POGLUT1: variants seen among roughly 807,000 people sequenced by gnomAD.
The protein encoded by POGLUT1 is 9630046K23Rik.
Under a neutral mutation model 61.3 loss-of-function variants are expected in POGLUT1, and 32 were observed. The ratio of observed to expected loss-of-function variants is 0.52; its 90% CI spans 0.39 to 0.70. The LOEUF (loss-of-function observed/expected upper bound fraction) is 0.70, where lower values mean the gene tolerates loss of function less well. Ranked by LOEUF, POGLUT1 falls within the 30% of genes least tolerant of loss-of-function variation. POGLUT1 has a pLI of 0.00. For synonymous variants in POGLUT1, 158 were observed against 158.2 expected, an observed-to-expected ratio of 1.00 and a Z score of 0.01; for missense variants, 411 against 469.8, an observed-to-expected ratio of 0.87 and a Z score of 1.16.
rs539300453 is a variant in POGLUT1, at chr3:119,493,945, G to A, written c.*1507G>A. On this transcript the variant is annotated 3_prime_UTR_variant, in exon 11 of 11. Transcript: ENST00000295588. ...CCTTGTCACTGTGAGGCCCTACTAG[G>A]TGTAAGCATTCTCTCTGAATTTTAA... 1 of 151,948 alleles carries A rather than the reference G, an allele frequency of 6.6e-6. No individual in the cohort carries two copies. Among genetic ancestry groups the A allele is most frequent in the African/African-American group, 2.4e-5 (1 of 41,420 alleles). The allele number at this position is 151,948 out of a possible 1,614,324, so 9.4% of individuals were successfully genotyped here.
intron 2 of POGLUT1, among the ~76,000 whole-genome samples, chr3:119,470,171 C>T (rs2081453739): frequency 6.6e-6 from 1 of 152,204 alleles, no homozygotes; most frequent in Non-Finnish European, 1.5e-5. Flanking sequence ...GTCTTATTTG[C>T]TGTTGTCTCC....
chr3:119,486,796 AG>A, intron 6 of POGLUT1, 36 bp from the exon 7 acceptor site: 2 of 1,386,048 alleles, frequency 1.4e-6, no homozygotes, highest in Non-Finnish European at 2.1e-6. Context: ...TTTCTAATAC[AG>A]GCCACACAGT....
Position 119,486,932 on chromosome 3 carries a change from A to G in POGLUT1, c.738A>G (p.Lys246=). ...AAAACCAGGCCTGGAAATCTATGAA[A>G]GTAATCACCAGTCATCTGACTAGAA... ...YTKNQAWKSM[K]DTLGKPAAKD... Residue 246 remains lysine, a splice_region_variant and synonymous_variant, in exon 7 of 11, where the codon AAA becomes AAG. Transcript: ENST00000295588. 1 of 1,576,762 alleles carries G rather than the reference A, an allele frequency of 6.3e-7. No homozygotes were observed. Among genetic ancestry groups the G allele is most frequent in the Non-Finnish European group, 8.7e-7 (1 of 1,146,062 alleles).
At position 119,477,441 on chromosome 3, in the gene POGLUT1, T is replaced by C. The variant is rs147356960; in HGVS notation, c.449T>C (p.Phe150Ser). The C allele has an allele frequency of 4.3e-5, 70 of 1,613,964 alleles. No individual in the cohort carries two copies. Among genetic ancestry groups the C allele is most frequent in the Non-Finnish European group, 5.3e-5 (63 of 1,179,956 alleles). The change falls in exon 4 of 11, where the codon TTC (phenylalanine) becomes TCC (serine). Residue 150 changes from phenylalanine to serine, a missense_variant. By Grantham distance (155) the Phe-to-Ser change is radical. Transcript: ENST00000295588. ...GAGCCTGCCATCCCAGTCTTCTCCTTCAGTAAGGTAAGTACAGGGAGAGCC... is the reference window on the plus strand; with the variant it reads ...GAGCCTGCCATCCCAGTCTTCTCCTCCAGTAAGGTAAGTACAGGGAGAGCC... ...WMEPAIPVFS[F>S]SKTSEYHDIM... is the part of the protein sequence containing the mutation.
At chr3:119,485,171 C>T (rs1248572456) in intron 5 of POGLUT1, among the ~76,000 whole-genome samples, 157 bp from the exon 6 acceptor site, 3 of 151,560 alleles carry the variant, frequency 2.0e-5, no homozygotes, top group Admixed American at 1.3e-4. Flanking sequence ...CAGCCAAGAT[C>T]GCGCCACTGC....
intron 5 of POGLUT1, among the ~76,000 whole-genome samples, chr3:119,482,295 C>T (rs1044479034): frequency 2.0e-5 from 3 of 152,204 alleles, no homozygotes; most frequent in Non-Finnish European, 2.9e-5. Context: ...ATATGTATAA[C>T]TCAGGCAACT....
Position 119,493,059 on chromosome 3 carries a change from G to A in POGLUT1, c.*621G>A, listed in dbSNP as rs115707804. ...GTTTCTATAATGCCACATAGAAAGA[G>A]GCCAATTGCATGAGTAATTATTGCA... On this transcript the variant is annotated 3_prime_UTR_variant, in exon 11 of 11. Transcript: ENST00000295588. 1 of 151,916 alleles carries A rather than the reference G, an allele frequency of 6.6e-6. No homozygotes were observed. Among genetic ancestry groups the A allele is most frequent in the Non-Finnish European group, 1.5e-5 (1 of 67,992 alleles). 9.4% of individuals were successfully genotyped at this position (151,916 alleles called of 1,614,324 possible). A position where few individuals can be genotyped will look rare whatever the true frequency, so the allele number is the denominator to read the frequency against.
At position 119,490,678 on chromosome 3, in the gene POGLUT1, G is replaced by C. The variant is rs1277641334; in HGVS notation, c.925G>C (p.Val309Leu). Residue 309 changes from valine to leucine, a missense_variant, in exon 9 of 11, where the codon GTT becomes CTT. Physicochemically the swap from Val to Leu is conservative, Grantham distance 32. Transcript: ENST00000295588. ...CTTCTATCCACAGCTGAAGCCATGG[G>C]TTCACTATATCCCAGTCAAAACAGA... ...EFFYPQLKPW[V>L]HYIPVKTDLS... is the part of the protein sequence containing the mutation. The C allele has an allele frequency of 1.9e-6, 3 of 1,614,064 alleles. No homozygotes were observed. In the South Asian group the frequency reaches 3.3e-5, roughly 18 times the overall value.
chr3:119,472,961 G>T (rs542519627), intron 3 of POGLUT1, among the ~76,000 whole-genome samples: 33 of 152,242 alleles, frequency 2.2e-4, no homozygotes, highest in African/African-American at 6.7e-4. Flanking sequence ...AGCCCAGGAG[G>T]TCAAGGCTGC....
chr3:119,486,559 G>C (rs2081666290), intron 6 of POGLUT1, among the ~76,000 whole-genome samples: 1 of 152,070 alleles, frequency 6.6e-6, no homozygotes, highest in Admixed American at 6.5e-5. Context: ...CCTGGGATTT[G>C]ACTATAGTGA....
At chr3:119,490,746 T>G in intron 9 of POGLUT1, 28 bp downstream of exon 9, 3 of 1,598,302 alleles carry the variant, frequency 1.9e-6, no homozygotes, top group Non-Finnish European at 2.6e-6. Flanking sequence ...AATGCAGAGT[T>G]TCTAAAGACC....
chr3:119,479,819 A>C, intron 4 of POGLUT1: 1 of 987,024 alleles, frequency 1.0e-6, no homozygotes, highest in African/African-American at 1.6e-5. Context: ...GAACTGAAAA[A>C]GCTGACCTTT....
At chr3:119,483,961 A>G (rs565428606) in intron 5 of POGLUT1, among the ~76,000 whole-genome samples, 1 of 152,378 alleles carries the variant, frequency 6.6e-6, no homozygotes, top group Admixed American at 6.5e-5. Flanking sequence ...GAGATTCCAG[A>G]CGACTTCTTA....
Position 119,469,090 on chromosome 3 carries a change from C to A in POGLUT1, c.69C>A (p.Gly23=). 6.2e-7 allele frequency: 1 copy of A among 1,606,570 alleles called. No homozygotes were observed. The highest frequency in any genetic ancestry group is 8.5e-7 in the Non-Finnish European group (1 of 1,178,112). The change falls in exon 1 of 11, where the codon GGC becomes GGA. Residue 23 remains glycine (G), a synonymous_variant. Coordinates refer to ENST00000295588, the MANE Select transcript of POGLUT1 (RefSeq NM_152305.3). ...LLLFLLPSAQ[G]RQKESGSKWK... ...TGTTCCTCCTGCCCTCAGCGCAGGGCCGCCAGAAGGAGTCAGGTGGGCTCC... is the reference window on the plus strand; with the variant it reads ...TGTTCCTCCTGCCCTCAGCGCAGGGACGCCAGAAGGAGTCAGGTGGGCTCC...
Position 119,490,684 on chromosome 3 carries a change from T to C in POGLUT1, c.931T>C (p.Tyr311His). 1 of 1,614,146 alleles carries C rather than the reference T, an allele frequency of 6.2e-7. No homozygotes were observed. The highest frequency in any genetic ancestry group is 8.5e-7 in the Non-Finnish European group (1 of 1,180,000). The part of the protein sequence containing the change: ...FYPQLKPWVH[Y>H]IPVKTDLSNV... ...TCCACAGCTGAAGCCATGGGTTCAC[T>C]ATATCCCAGTCAAAACAGATCTCTC... Residue 311 changes from tyrosine to histidine, a missense_variant, in exon 9 of 11, where the codon TAT becomes CAT. Physicochemically the swap from Tyr to His is moderately conservative, Grantham distance 83. Transcript: ENST00000295588.
intron 5 of POGLUT1, among the ~76,000 whole-genome samples, chr3:119,481,035 C>T (rs1310903147): frequency 6.6e-6 from 1 of 152,068 alleles, no homozygotes; most frequent in Non-Finnish European, 1.5e-5. Context: ...CCCCTGTGCT[C>T]AGTCAGTATT....
intron 8 of POGLUT1, 197 bp from the exon 9 acceptor site, chr3:119,490,354 C>T: frequency 1.7e-6 from 1 of 578,028 alleles, no homozygotes; most frequent in Non-Finnish European, 3.1e-6. Flanking sequence ...CCCAGAACAA[C>T]CTGTAGTCCT....
intron 3 of POGLUT1, 38 bp from the exon 4 acceptor site, chr3:119,477,275 C>T: frequency 2.5e-6 from 4 of 1,608,436 alleles, no homozygotes; most frequent in Non-Finnish European, 3.4e-6. Flanking sequence ...AGCCTGCAGG[C>T]ACTACTCTGC....
intron 6 of POGLUT1, among the ~76,000 whole-genome samples, chr3:119,486,298 T>A (rs1463343154): frequency 1.3e-5 from 2 of 152,234 alleles, no homozygotes; most frequent in Non-Finnish European, 2.9e-5. Context: ...AAGGAATCCA[T>A]GATGCCTCAC....
Sources: gnomAD v4.1 joint callset for allele counts (sites outside exome capture counted in the v4.1 genomes callset) on GRCh38, gnomAD v4.1.1 for gene constraint, MANE v1.5 for transcripts, NCBI Gene and HGNC (gene_info 2026-07-23, HGNC 2026-07-21) for gene names.